Variants in SLC12A1 observed in about 807,000 individuals in gnomAD.
SLC12A1 encodes solute carrier family 12 member 1, also known as Na-K-2Cl cotransporter.
In SLC12A1, 89 loss-of-function variants were observed where a neutral mutation model predicts 130.4. The observed-to-expected ratio is 0.68, with a 90% CI of 0.58 to 0.81. The LOEUF is 0.81. SLC12A1 is among the 40% of genes least tolerant of loss of function. The probability of loss-of-function intolerance (pLI) is 0.00; values close to 1 mark genes in which losing one functional copy is unlikely to be tolerated. For missense variants in SLC12A1, 1,310 were observed against 1,336.4 expected (o/e 0.98, Z 0.31); for synonymous variants, 499 against 460.0 (o/e 1.08, Z -1.09).
chr15:48,255,791 A>G lies in SLC12A1; in HGVS notation c.1943-20A>G, dbSNP rs370456094. On this transcript the variant is annotated intron_variant, in intron 15 of 26. Coordinates refer to ENST00000380993, the MANE Select transcript of SLC12A1 (RefSeq NM_000338.3). ...GGAAAGGTCAGTGTTTTTTATGCCAATTTCCTCCTTTATCCACAGATGTGA... is the reference window on the plus strand; with the variant it reads ...GGAAAGGTCAGTGTTTTTTATGCCAGTTTCCTCCTTTATCCACAGATGTGA... 12 of 1,512,822 alleles carry G rather than the reference A, an allele frequency of 7.9e-6. No homozygotes were observed. The highest frequency in any genetic ancestry group is 5.4e-5 in the Admixed American group (3 of 55,780). The allele number at this position is 1,512,822 out of a possible 1,614,324, so 93.7% of individuals were successfully genotyped here.
chr15:48,285,372 G>A (rs2042046770), intron 21 of SLC12A1, 123 bp downstream of exon 21: 9 of 866,832 alleles, frequency 1.0e-5, no homozygotes, highest in Admixed American at 2.5e-5. Context: ...GAACTGAAAG[G>A]TTTCTCTCCA....
chr15:48,262,069 A>G (rs564827876), intron 17 of SLC12A1, among the ~76,000 whole-genome samples: 2 of 152,312 alleles, frequency 1.3e-5, no homozygotes, highest in South Asian at 2.1e-4. Context: ...TTGGTATGCT[A>G]TAGTTGCCAT....
At chr15:48,210,012 T>C (rs1176394570) in intron 2 of SLC12A1, among the ~76,000 whole-genome samples, 1 of 152,112 alleles carries the variant, frequency 6.6e-6, no homozygotes, top group Non-Finnish European at 1.5e-5. Context: ...GTAGCCCCCA[T>C]GAAGAATTTT....
At position 48,288,125 on chromosome 15, in the gene SLC12A1, G is replaced by T. The variant is rs2042079210; in HGVS notation, c.2712G>T (p.Lys904Asn). 6.2e-7 allele frequency: 1 copy of T among 1,610,248 alleles called. No individual in the cohort carries two copies. Among genetic ancestry groups the T allele is most frequent in the Admixed American group, 1.7e-5 (1 of 59,454 alleles). ...KLVEASTQFKKKQEKGTIDVW... is the reference protein window; with the variant it reads ...KLVEASTQFKNKQEKGTIDVW... ...TGGAAGCCAGCACTCAATTTAAAAA[G>T]AAACAAGAAAAAGGCACAATTGATG... is the stretch of plus-strand genomic sequence containing the variant. The change falls in exon 22 of 27, where the codon AAG becomes AAT. Residue 904 changes from lysine to asparagine, a missense_variant. Lys to Asn is a moderately conservative substitution (Grantham distance 94). Coordinates refer to ENST00000380993, the MANE Select transcript of SLC12A1 (RefSeq NM_000338.3).
At chr15:48,244,934 G>A in intron 11 of SLC12A1, 30 bp downstream of exon 11, 1 of 1,604,446 alleles carries the variant, frequency 6.2e-7, no homozygotes, top group Non-Finnish European at 8.5e-7. Flanking sequence ...AATGTTCACT[G>A]CTATTATTTT....
In SLC12A1 at chr15:48,216,198, A is replaced by G. The variant is rs2041119536; in HGVS notation, c.421-4436A>G. Among the ~76,000 whole-genome samples the G allele has an allele frequency of 1.3e-5, 2 of 152,178 alleles. 1 individual carries two copies. Among genetic ancestry groups the G allele is most frequent in the South Asian group, 4.1e-4 (2 of 4,822 alleles). On this transcript the variant is annotated intron_variant, in intron 2 of 26. Coordinates refer to ENST00000380993, the MANE Select transcript of SLC12A1 (RefSeq NM_000338.3). ...AATTTAGAAAATGATTGCTTTACTA[A>G]CTTGCACATATAGTGGTTTCCCTGT...
At chr15:48,296,176 C>T (rs1197307332) in intron 24 of SLC12A1, among the ~76,000 whole-genome samples, 1 of 152,168 alleles carries the variant, frequency 6.6e-6, no homozygotes, top group Non-Finnish European at 1.5e-5. Context: ...TTCTTGGTTG[C>T]CGGGTGATAC....
At chr15:48,270,585 C>T (rs2041882260) in intron 19 of SLC12A1, among the ~76,000 whole-genome samples, 1 of 144,952 alleles carries the variant, frequency 6.9e-6, no homozygotes, top group African/African-American at 2.5e-5. Context: ...ATTATATACT[C>T]CAAAACAAGT....
At chr15:48,299,342 T>G in intron 25 of SLC12A1, 67 bp downstream of exon 25, 1 of 1,341,966 alleles carries the variant, frequency 7.5e-7, no homozygotes, top group South Asian at 1.6e-5. Flanking sequence ...GTAGTTGATT[T>G]AAAGACAAAG....
chr15:48,267,757 T>C, intron 18 of SLC12A1, 56 bp downstream of exon 18: 1 of 1,583,968 alleles, frequency 6.3e-7, no homozygotes, highest in Non-Finnish European at 8.6e-7. Context: ...GTGCTCCATG[T>C]TAATAAGGCT....
At chr15:48,234,741 A>C in intron 8 of SLC12A1, 136 bp from the exon 9 acceptor site, 1 of 736,896 alleles carries the variant, frequency 1.4e-6, no homozygotes, top group Non-Finnish European at 2.2e-6. Flanking sequence ...CAACAGAGTG[A>C]GACTCTGTCT....
At chr15:48,298,435 C>T (rs952823620) in intron 24 of SLC12A1, among the ~76,000 whole-genome samples, 3 of 152,196 alleles carry the variant, frequency 2.0e-5, no homozygotes, top group African/African-American at 7.2e-5. Context: ...AATGTTCTAA[C>T]ATAGCCTCAG....
At chr15:48,276,096 G>C (rs145059065) in intron 20 of SLC12A1, among the ~76,000 whole-genome samples, 1 of 152,304 alleles carries the variant, frequency 6.6e-6, no homozygotes, top group East Asian at 1.9e-4. Flanking sequence ...GGAGTTGATT[G>C]AATGTGTGGG....
intron 20 of SLC12A1, among the ~76,000 whole-genome samples, chr15:48,279,008 T>G (rs1445341590): frequency 1.3e-5 from 2 of 152,220 alleles, no homozygotes; most frequent in African/African-American, 4.8e-5. Flanking sequence ...TTCTGCTTCT[T>G]AGTCAAGAAA....
In SLC12A1 at chr15:48,220,738, G is replaced by A. The variant is rs1259528786; in HGVS notation, c.525G>A (p.Val175=). ...ENKEDDQAGV[V]KFGWVKGVLV... is the part of the protein sequence containing the mutation. ...AGGAAGATGATCAAGCTGGTGTTGT[G>A]AAGTTTGGATGGGTGAAAGGTGTGC... The change falls in exon 3 of 27, where the codon GTG becomes GTA. Residue 175 remains valine, a synonymous_variant. Transcript: ENST00000380993. 1.2e-6 allele frequency: 2 copies of A among 1,613,852 alleles called. No homozygotes were observed. The highest frequency in any genetic ancestry group is 1.3e-5 in the African/African-American group (1 of 74,932).
rs1052479454 is a variant in SLC12A1 at position 48,286,857 on chromosome 15, T to A, written c.2630-1186T>A. 9.2e-5 allele frequency among the ~76,000 whole-genome samples: 14 copies of A among 152,282 alleles called. No homozygotes were observed. The East Asian group carries it at 2.7e-3, about 29-fold the overall frequency. On this transcript the variant is annotated intron_variant, in intron 21 of 26. Transcript: ENST00000380993. ...CCAATCCTGCCTCCAGGTACCTGAG[T>A]GTGAACAGGAGGCCTCTGGCTGCTT...
intron 15 of SLC12A1, among the ~76,000 whole-genome samples, chr15:48,252,425 C>T (rs75533826): frequency 3.3e-5 from 5 of 152,244 alleles, no homozygotes; most frequent in Non-Finnish European, 7.4e-5. Context: ...GACAAGCTTT[C>T]CATTACATCA....
chr15:48,285,318 C>G, intron 21 of SLC12A1, 69 bp downstream of exon 21: 1 of 1,471,446 alleles, frequency 6.8e-7, no homozygotes, highest in South Asian at 1.2e-5. Flanking sequence ...TATGAAGAGT[C>G]CGAAGTCAGC....
chr15:48,222,728 C>T (rs1445486316), intron 4 of SLC12A1: 1 of 152,030 alleles, frequency 6.6e-6, no homozygotes, highest in East Asian at 1.9e-4. Context: ...CCATCTGGGT[C>T]CCATTTGGGT....
Sources: allele counts gnomAD v4.1 joint callset (sites outside exome capture counted in the v4.1 genomes callset), GRCh38; gene constraint gnomAD v4.1.1; transcripts MANE v1.5; gene names NCBI Gene and HGNC (gene_info 2026-07-23, HGNC 2026-07-21).